Variants in ZBTB7C observed in about 807,000 individuals in gnomAD.
ZBTB7C encodes the protein zinc finger and BTB domain-containing protein 7C.
Under a neutral mutation model 25.7 loss-of-function variants are expected in ZBTB7C, and 8 were observed. That is an observed-to-expected ratio of 0.31 (90% CI 0.18 to 0.56). The LOEUF is 0.56. ZBTB7C is among the 20% of genes least tolerant of loss of function. The pLI, the probability that ZBTB7C is intolerant of heterozygous loss-of-function variation, is 0.91. For synonymous variants in ZBTB7C, 394 were observed against 369.0 expected (o/e 1.07, Z -0.78); for missense variants, 824 against 855.2 (o/e 0.96, Z 0.46).
At chr18:48,123,463 G>A (rs4075294) in intron 3 of ZBTB7C, among the ~76,000 whole-genome samples, 23,403 of 152,278 alleles carry the variant, frequency 0.15, 1,941 homozygotes, top group South Asian at 0.23. Context: ...AGGCCTGGGC[G>A]TTTTGGCCCA....
intron 3 of ZBTB7C, among the ~76,000 whole-genome samples, chr18:48,051,832 C>A (rs73953668): frequency 6.6e-6 from 1 of 152,054 alleles, no homozygotes; most frequent in Non-Finnish European, 1.5e-5. Flanking sequence ...GCACCCTGGC[C>A]GGGTTGGCCA....
chr18:48,255,959 C>T (rs1218844244), intron 2 of ZBTB7C, among the ~76,000 whole-genome samples: 4 of 151,890 alleles, frequency 2.6e-5, no homozygotes, highest in Non-Finnish European at 4.4e-5. Context: ...AAAAGAAACA[C>T]ATAGAGAAAA....
chr18:48,074,400 T>G (rs1007063991), intron 3 of ZBTB7C, among the ~76,000 whole-genome samples: 7 of 152,214 alleles, frequency 4.6e-5, no homozygotes, highest in African/African-American at 1.7e-4. Flanking sequence ...CACAGCCCCT[T>G]GCACATGAGA....
intron 2 of ZBTB7C, among the ~76,000 whole-genome samples, chr18:48,288,218 C>T (rs1056272410): frequency 6.6e-6 from 1 of 152,172 alleles, no homozygotes; most frequent in Non-Finnish European, 1.5e-5. Flanking sequence ...TTACAGTGGA[C>T]TGAATGTTTA....
chr18:48,219,595 C>T (rs1205467259), intron 2 of ZBTB7C, among the ~76,000 whole-genome samples: 1 of 152,192 alleles, frequency 6.6e-6, no homozygotes, highest in African/African-American at 2.4e-5. Context: ...CAAAGCCACA[C>T]TCAGGCATTG....
intron 2 of ZBTB7C, among the ~76,000 whole-genome samples, chr18:48,248,521 CT>C (rs1353594797): frequency 6.6e-6 from 1 of 152,156 alleles, no homozygotes; most frequent in Non-Finnish European, 1.5e-5. Context: ...AACACTAAAT[CT>C]TTCCCTGGTC....
intron 4 of ZBTB7C, among the ~76,000 whole-genome samples, chr18:48,037,517 G>A (rs542105513): frequency 3.3e-5 from 5 of 152,362 alleles, no homozygotes; most frequent in African/African-American, 1.2e-4. Context: ...CAGTGACTAC[G>A]CACGGTTAAA....
intron 2 of ZBTB7C, among the ~76,000 whole-genome samples, chr18:48,327,951 G>A (rs1454200668): frequency 6.6e-6 from 1 of 152,048 alleles, no homozygotes; most frequent in Non-Finnish European, 1.5e-5. Context: ...ACTCATGCCT[G>A]TAACCCCAGC....
chr18:48,128,111 C>T (rs1203770354), intron 3 of ZBTB7C, among the ~76,000 whole-genome samples: 2 of 152,230 alleles, frequency 1.3e-5, no homozygotes, highest in Non-Finnish European at 2.9e-5. Flanking sequence ...CTCCTGCCTG[C>T]CTGAACATCA....
chr18:48,206,169 A>G (rs947559072), intron 2 of ZBTB7C, among the ~76,000 whole-genome samples: 3 of 152,218 alleles, frequency 2.0e-5, no homozygotes, highest in Admixed American at 2.0e-4. Context: ...AAGAGAATTT[A>G]CACTATGTGA....
At chr18:48,332,223 G>A (rs1363284676) in intron 2 of ZBTB7C, among the ~76,000 whole-genome samples, 2 of 152,166 alleles carry the variant, frequency 1.3e-5, no homozygotes, top group Non-Finnish European at 2.9e-5. Flanking sequence ...CATCAGTCAT[G>A]TTAGAGAAAG....
chr18:48,254,121 T>A (rs1330717943), intron 2 of ZBTB7C, among the ~76,000 whole-genome samples: 2 of 152,212 alleles, frequency 1.3e-5, no homozygotes, highest in Admixed American at 1.3e-4. Context: ...GAGTTGTTGG[T>A]AAGGTTTTCC....
At chr18:48,246,552 A>C (rs1322392704) in intron 2 of ZBTB7C, among the ~76,000 whole-genome samples, 1 of 152,018 alleles carries the variant, frequency 6.6e-6, no homozygotes, top group Admixed American at 6.5e-5. Flanking sequence ...TTTTTTTCTA[A>C]GAAAAAATGT....
chr18:48,299,678 A>C (rs60606684), intron 2 of ZBTB7C, among the ~76,000 whole-genome samples: 26,823 of 152,258 alleles, frequency 0.18, 2,679 homozygotes, highest in Non-Finnish European at 0.24. Flanking sequence ...AGTAGGAAAC[A>C]GCCAGGGGAA....
At chr18:48,212,071 C>G (rs1308371874) in intron 2 of ZBTB7C, among the ~76,000 whole-genome samples, 3 of 152,292 alleles carry the variant, frequency 2.0e-5, no homozygotes, top group East Asian at 3.9e-4. Context: ...AGAAACCAGT[C>G]TGGCCAGGCG....
chr18:48,063,906 T>TAATTG (rs1568187951), intron 3 of ZBTB7C, among the ~76,000 whole-genome samples: 2 of 151,196 alleles, frequency 1.3e-5, no homozygotes, highest in Non-Finnish European at 2.9e-5. Context: ...ATATATAATT[T>TAATTG]ATAATTGATA....
intron 2 of ZBTB7C, among the ~76,000 whole-genome samples, chr18:48,200,229 C>A (rs1013134451): frequency 6.6e-6 from 1 of 152,094 alleles, no homozygotes; most frequent in African/African-American, 2.4e-5. Flanking sequence ...GGAGTAGGCA[C>A]GGTGACCCCA....
chr18:48,193,473 CA>C (rs201354322), intron 2 of ZBTB7C, among the ~76,000 whole-genome samples: 4 of 151,166 alleles, frequency 2.6e-5, no homozygotes, highest in South Asian at 4.2e-4. Flanking sequence ...CTCCCCCATC[CA>C]AAAAAAAACC....
intron 2 of ZBTB7C, among the ~76,000 whole-genome samples, chr18:48,249,532 C>A (rs2043788966): frequency 6.6e-6 from 1 of 152,054 alleles, no homozygotes; most frequent in Admixed American, 6.5e-5. Context: ...GACAACACTC[C>A]CAGCATGTAT....
Sources: gnomAD v4.1 joint callset for allele counts (sites outside exome capture counted in the v4.1 genomes callset) on GRCh38, gnomAD v4.1.1 for gene constraint, MANE v1.5 for transcripts, NCBI Gene and HGNC (gene_info 2026-07-23, HGNC 2026-07-21) for gene names.